STX7: variants seen among roughly 807,000 people sequenced by gnomAD.
STX7 encodes the protein syntaxin-7.
A neutral mutation model predicts 39.6 loss-of-function variants in STX7; 34 were observed. The observed-to-expected ratio is 0.86, with a 90% CI of 0.65 to 1.14. The LOEUF is 1.14. Among genes scored for constraint, STX7 ranks in the 50% most tolerant of loss-of-function variants. The pLI, the probability that STX7 is intolerant of heterozygous loss-of-function variation, is 0.00. For missense variants in STX7, 284 were observed against 310.4 expected, an observed-to-expected ratio of 0.92 and a Z score of 0.64; for synonymous variants, 119 against 99.1, an observed-to-expected ratio of 1.20 and a Z score of -1.19.
At chr6:132,462,946 G>T (rs1295160663) in intron 9 of STX7, among the ~76,000 whole-genome samples, 4 of 152,174 alleles carry the variant, frequency 2.6e-5, no homozygotes, top group African/African-American at 9.7e-5. Context: ...CAGCGGCTGG[G>T]CATGGTGGCT....
rs138646376 is a variant in STX7, at chr6:132,475,625, T to C, written c.123A>G (p.Thr41=). The change falls in exon 3 of 10, where the codon ACA becomes ACG. Residue 41 remains threonine, a synonymous_variant. Coordinates refer to ENST00000367941, the MANE Select transcript of STX7 (RefSeq NM_003569.3). ...GCCTCAATTCAGGTGAATCTTGAGG[T>C]GTTCCAAGTTGATTCAGAGTTCTTT... ...EIQRTLNQLG[T]PQDSPELRQQ... is the part of the protein sequence containing the mutation. 85 of 1,609,486 alleles carry C rather than the reference T, an allele frequency of 5.3e-5. No homozygotes were observed. In the African/African-American group the frequency reaches 1.0e-3, roughly 19 times the overall value.
At position 132,454,828 on chromosome 6, in the gene STX7, G is replaced by A. The variant is rs1021360889; in HGVS notation, c.*5930C>T. Reference sequence around the variant, plus strand: ...TTATTGCCTCCAAGATAGAACTAACGTGAATGATATATAACTAAGGTTATC... The same window carrying A: ...TTATTGCCTCCAAGATAGAACTAACATGAATGATATATAACTAAGGTTATC... On this transcript the variant is annotated 3_prime_UTR_variant, in exon 10 of 10. Transcript: ENST00000367941. 6.6e-6 allele frequency: 1 copy of A among 152,038 alleles called. No individual in the cohort carries two copies. Among genetic ancestry groups the A allele is most frequent in the African/African-American group, 2.4e-5 (1 of 41,412 alleles). 9.4% of individuals were successfully genotyped at this position (152,038 alleles called of 1,614,324 possible). A position where few individuals can be genotyped will look rare whatever the true frequency, so the allele number is the denominator to read the frequency against.
In STX7 at chr6:132,460,808, C is replaced by G; in HGVS notation, c.736G>C (p.Val246Leu). The G allele has an allele frequency of 6.2e-7, 1 of 1,613,510 alleles. No homozygotes were observed. Among genetic ancestry groups the G allele is most frequent in the Non-Finnish European group, 8.5e-7 (1 of 1,179,766 alleles). ...KTLCIIILILVIGVAIISLII... is the reference protein window; with the variant it reads ...KTLCIIILILLIGVAIISLII... ...AGACTGATAATCGCAACTCCAATGACAAGGATAAGAATGATGATGCACAGG... is the reference window on the plus strand; with the variant it reads ...AGACTGATAATCGCAACTCCAATGAGAAGGATAAGAATGATGATGCACAGG... The change falls in exon 10 of 10, where the codon GTC becomes CTC. Residue 246 changes from valine (V) to leucine (L), a missense_variant. Coordinates refer to ENST00000367941, the MANE Select transcript of STX7 (RefSeq NM_003569.3).
rs995395757 is a variant in STX7, at chr6:132,458,113, A to C, written c.*2645T>G. 4 of 152,246 alleles carry C rather than the reference A, an allele frequency of 2.6e-5. No individual in the cohort carries two copies. The highest frequency in any genetic ancestry group is 4.4e-5 in the Non-Finnish European group (3 of 68,042). 9.4% of individuals were successfully genotyped at this position (152,246 alleles called of 1,614,324 possible). On this transcript the variant is annotated 3_prime_UTR_variant, in exon 10 of 10. Transcript: ENST00000367941. Reference sequence around the variant, plus strand: ...GTGTCTAAACAATTGATATTCAAAAACACAACTTTTTGTGTACAAAATTTT... The same window carrying C: ...GTGTCTAAACAATTGATATTCAAAACCACAACTTTTTGTGTACAAAATTTT...
Position 132,457,129 on chromosome 6 carries a change from T to A in STX7, c.*3629A>T, listed in dbSNP as rs1401247315. On this transcript the variant is annotated 3_prime_UTR_variant, in exon 10 of 10. Transcript: ENST00000367941. ...GGCCAGCTCCTGAGATCCACCCACT[T>A]TGGGGCCGCAGACACCTTCCTCACC... is the stretch of plus-strand genomic sequence containing the variant. 6.6e-6 allele frequency: 1 copy of A among 152,434 alleles called. No individual in the cohort carries two copies. Among genetic ancestry groups the A allele is most frequent in the Non-Finnish European group, 1.5e-5 (1 of 68,186 alleles). The allele number at this position is 152,434 out of a possible 1,614,324, so 9.4% of individuals were successfully genotyped here. A position where few individuals can be genotyped will look rare whatever the true frequency, so the allele number is the denominator to read the frequency against.
chr6:132,474,721 A>C (rs1774827268), intron 3 of STX7, among the ~76,000 whole-genome samples: 1 of 152,224 alleles, frequency 6.6e-6, no homozygotes, highest in Non-Finnish European at 1.5e-5. Context: ...TAATTCTGTA[A>C]GGTTTAAATG....
upstream of STX7, chr6:132,513,176 G>C (rs1458271965): frequency 6.6e-6 from 1 of 152,296 alleles, no homozygotes; most frequent in Non-Finnish European, 1.5e-5. Flanking sequence ...ATTGGCCCGC[G>C]GGGCTGAGTG....
intron 3 of STX7, among the ~76,000 whole-genome samples, chr6:132,474,181 T>C (rs1433746718): frequency 1.5e-5 from 2 of 129,936 alleles, no homozygotes; most frequent in Non-Finnish European, 3.1e-5. Context: ...TGAACCGTGA[T>C]AATGTCACTG....
intron 1 of STX7, among the ~76,000 whole-genome samples, chr6:132,505,757 A>AAAC (rs563974093): frequency 0.061 from 8,887 of 144,952 alleles, 370 homozygotes; most frequent in Admixed American, 0.1. Context: ...AAAAAAAAAA[A>AAAC]AAAAAAACAC....
chr6:132,465,520 G>C (rs754872704), intron 8 of STX7, among the ~76,000 whole-genome samples: 1 of 152,124 alleles, frequency 6.6e-6, no homozygotes, highest in Admixed American at 6.5e-5. Flanking sequence ...CCATGCAGCT[G>C]ATTATGGATG....
chr6:132,510,405 C>G (rs1364687980), intron 1 of STX7, among the ~76,000 whole-genome samples: 1 of 152,094 alleles, frequency 6.6e-6, no homozygotes, highest in Non-Finnish European at 1.5e-5. Context: ...AATCTTATTA[C>G]AGGTTATTTT....
intron 2 of STX7, among the ~76,000 whole-genome samples, chr6:132,495,971 G>A (rs1775412370): frequency 6.6e-6 from 1 of 152,112 alleles, no homozygotes; most frequent in South Asian, 2.1e-4. Context: ...TAATCTGTAG[G>A]AGAGATGATT....
intron 2 of STX7, among the ~76,000 whole-genome samples, chr6:132,498,184 G>A (rs547185529): frequency 6.6e-6 from 1 of 152,208 alleles, no homozygotes; most frequent in East Asian, 1.9e-4. Context: ...TACAGAGCCT[G>A]TAATAAAGTC....
intron 1 of STX7, among the ~76,000 whole-genome samples, chr6:132,506,504 A>T (rs1475386905): frequency 6.6e-6 from 1 of 152,252 alleles, no homozygotes; most frequent in Non-Finnish European, 1.5e-5. Context: ...AAAAATGTTT[A>T]ACATCAGTAA....
chr6:132,502,208 T>A (rs763175200), intron 2 of STX7, among the ~76,000 whole-genome samples: 1 of 152,186 alleles, frequency 6.6e-6, no homozygotes, highest in Admixed American at 6.5e-5. Context: ...ATAATTCAGG[T>A]AGAGGAACAG....
intron 2 of STX7, among the ~76,000 whole-genome samples, chr6:132,499,098 C>G (rs143443990): frequency 6.6e-6 from 1 of 152,156 alleles, no homozygotes; most frequent in Non-Finnish European, 1.5e-5. Flanking sequence ...CACCTCTATA[C>G]GGTGGATGAA....
chr6:132,470,028 G>C lies in STX7; in HGVS notation c.460C>G (p.Gln154Glu). Residue 154 changes from glutamine (Q) to glutamate (E), a missense_variant, in exon 7 of 10, where the codon CAG becomes GAG. Physicochemically the swap from Gln to Glu is conservative, Grantham distance 29. Transcript: ENST00000367941. ...SWESQTQPQV[Q>E]VQDEEITEDD... ...TCTGTAATTTCTTCATCCTGCACCT[G>C]CACTTGAGGTTGAGTTTGGCTAACA... 6.3e-7 allele frequency: 1 copy of C among 1,584,264 alleles called. No individual in the cohort carries two copies. Among genetic ancestry groups the C allele is most frequent in the Non-Finnish European group, 8.5e-7 (1 of 1,170,976 alleles).
At chr6:132,488,093 G>A (rs1250595121) in intron 2 of STX7, among the ~76,000 whole-genome samples, 1 of 152,080 alleles carries the variant, frequency 6.6e-6, no homozygotes, top group African/African-American at 2.4e-5. Flanking sequence ...TTTCATTTAC[G>A]TTCAGTTCAG....
chr6:132,504,688 G>GC (rs1213425191), intron 1 of STX7, among the ~76,000 whole-genome samples: 1 of 152,116 alleles, frequency 6.6e-6, no homozygotes, highest in Non-Finnish European at 1.5e-5. Flanking sequence ...AATCAAGTTT[G>GC]TCATTTAGGA....
Sources: allele counts gnomAD v4.1 joint callset (sites outside exome capture counted in the v4.1 genomes callset), GRCh38; gene constraint gnomAD v4.1.1; transcripts MANE v1.5; gene names NCBI Gene and HGNC (gene_info 2026-07-23, HGNC 2026-07-21).